Variants in DLG5 observed in about 807,000 individuals in gnomAD.
The protein encoded by DLG5 is discs large MAGUK scaffold protein 5.
DLG5 carries 48 observed loss-of-function variants against 189.8 expected under a neutral mutation model. The observed-to-expected ratio is 0.25, with a 90% CI of 0.20 to 0.32. DLG5 has a LOEUF of 0.32. DLG5 is among the 10% of genes least tolerant of loss of function. The probability of loss-of-function intolerance (pLI) is 1.00; values close to 1 mark genes in which losing one functional copy is unlikely to be tolerated. For synonymous variants in DLG5, 1,016 were observed against 1,054.1 expected (o/e 0.96, Z 0.70); for missense variants, 2,160 against 2,544.7 (o/e 0.85, Z 3.25).
chr10:77,827,011 T>C (rs1047425922), intron 13 of DLG5, among the ~76,000 whole-genome samples: 2 of 152,138 alleles, frequency 1.3e-5, no homozygotes, highest in African/African-American at 4.8e-5. Context: ...TATAATCCCA[T>C]CCAGGTTACC....
intron 5 of DLG5, among the ~76,000 whole-genome samples, chr10:77,852,495 A>G (rs1033346444): frequency 2.0e-5 from 3 of 152,016 alleles, no homozygotes; most frequent in Non-Finnish European, 4.4e-5. Flanking sequence ...GGCTCACCGC[A>G]TGCTCTGCCT....
chr10:77,796,553 A>G lies in DLG5; in HGVS notation c.5206T>C (p.Cys1736Arg), dbSNP rs375150972. Residue 1736 changes from cysteine to arginine, a missense_variant, in exon 28 of 32, where the codon TGC becomes CGC. Around this residue, in one of 5 missense-constraint regions of DLG5, gnomAD observed 574 missense variants for 644.2 expected, o/e 0.89. Transcript: ENST00000372391. The surrounding 1 kb of genome is among the most constrained non-coding windows in gnomAD (Gnocchi z 5.2). ...LAYQRVQKVDCTALRPVLILG... is the reference protein window; with the variant it reads ...LAYQRVQKVDRTALRPVLILG... ...ATCAGGACAGGCCTCAGAGCGGTGC[A>G]GTCCACCTTCTGGACCCGCTGATAG... 5.6e-6 allele frequency: 9 copies of G among 1,614,012 alleles called. No individual in the cohort carries two copies. Among genetic ancestry groups the G allele is most frequent in the Non-Finnish European group, 7.6e-6 (9 of 1,180,030 alleles).
chr10:77,856,838 T>C lies in DLG5; in HGVS notation c.428A>G (p.Asn143Ser). 6.2e-7 allele frequency: 1 copy of C among 1,613,076 alleles called. No individual in the cohort carries two copies. The highest frequency in any genetic ancestry group is 8.5e-7 in the Non-Finnish European group (1 of 1,179,992). The change falls in exon 3 of 32, where the codon AAT (asparagine) becomes AGT (serine). Residue 143 changes from asparagine to serine, a missense_variant. Physicochemically the swap from Asn to Ser is conservative, Grantham distance 46. This residue lies in a region of DLG5 where 664 missense variants were observed against 838.5 expected (regional missense o/e 0.79). Transcript: ENST00000372391. ...PPPLLTDQQV[N>S]EKVENLSIQL... ...AATGGAGAGGTTCTCCACCTTCTCA[T>C]TCACTTGCTGGTCAGTGAGGAGGGG... is the stretch of plus-strand genomic sequence containing the variant.
intron 2 of DLG5, among the ~76,000 whole-genome samples, chr10:77,862,217 C>T (rs542060780): frequency 3.3e-5 from 5 of 152,242 alleles, no homozygotes; most frequent in Admixed American, 1.3e-4. Context: ...CAAAGGAGCT[C>T]ACTACTTCCC....
intron 23 of DLG5, 46 bp from the exon 24 acceptor site, chr10:77,809,776 G>T (rs1355527511): frequency 1.3e-6 from 2 of 1,574,816 alleles, no homozygotes; most frequent in Admixed American, 3.6e-5. Context: ...CAAAGAGGAG[G>T]CACAAAAAGA....
At chr10:77,932,525 G>A in the DLG5 span, among the ~76,000 whole-genome samples, 3 of 152,162 alleles carry the variant, frequency 2.0e-5, no homozygotes, top group African/African-American at 4.8e-5. Flanking sequence ...GTGGCTGGGC[G>A]CCGTGGCTCA....
At chr10:77,855,968 A>G (rs780164740) in intron 3 of DLG5, among the ~76,000 whole-genome samples, 10 of 152,160 alleles carry the variant, frequency 6.6e-5, no homozygotes, top group Admixed American at 2.0e-4. Flanking sequence ...CTTCCCTGGT[A>G]TCTACCTCTA....
intron 27 of DLG5, among the ~76,000 whole-genome samples, chr10:77,803,446 TTAAATA>T (rs1420130825): frequency 6.6e-5 from 10 of 152,216 alleles, no homozygotes; most frequent in African/African-American, 2.4e-4. Flanking sequence ...TAAGGGATAT[TTAAATA>T]TAAAGTGACA....
At chr10:77,866,826 G>C in intron 2 of DLG5, 2 of 384,726 alleles carry the variant, frequency 5.2e-6, no homozygotes, top group South Asian at 3.9e-5. Context: ...GATTGGTTAA[G>C]GTGGTATGAG....
At chr10:77,817,661 C>T in intron 18 of DLG5, 116 bp downstream of exon 18, 1 of 844,188 alleles carries the variant, frequency 1.2e-6, no homozygotes, top group Non-Finnish European at 1.9e-6. Context: ...AGCTCAGTCC[C>T]AGGAGGTGAC....
At chr10:77,899,642 C>T (rs1261753924) in intron 1 of DLG5, among the ~76,000 whole-genome samples, 1 of 152,194 alleles carries the variant, frequency 6.6e-6, no homozygotes, top group Non-Finnish European at 1.5e-5. Flanking sequence ...TCCTCATACT[C>T]ATTCCACTTT....
chr10:77,867,202 C>CT lies in DLG5; in HGVS notation c.373+1926dup, dbSNP rs575720743. 3.0e-3 allele frequency: 1,225 copies of CT among 404,184 alleles called. 29 individuals carry two copies. Among genetic ancestry groups the CT allele is most frequent in the South Asian group, 0.022 (1,196 of 54,344 alleles). 25.0% of individuals were successfully genotyped at this position (404,184 alleles called of 1,614,324 possible). On this transcript the variant is annotated intron_variant, in intron 2 of 31. Coordinates refer to ENST00000372391, the MANE Select transcript of DLG5 (RefSeq NM_004747.4). ...CCCAAGAAATATCTTCCTACTCAGGCTGGGAATTCCACCATCAGCAGTAAT... is the reference window on the plus strand; with the variant it reads ...CCCAAGAAATATCTTCCTACTCAGGCTTGGGAATTCCACCATCAGCAGTAAT...
In DLG5 at chr10:77,818,159, G is replaced by C. The variant is rs112174938; in HGVS notation, c.3672-270C>G. ...CATAGGGTCAGGATTAGGCTCACTA[G>C]GAAGAAGTGATAAAAAACAGAGGTT... On this transcript the variant is annotated intron_variant, in intron 17 of 31. Coordinates refer to ENST00000372391, the MANE Select transcript of DLG5 (RefSeq NM_004747.4). 4.7e-3 allele frequency among the ~76,000 whole-genome samples: 711 copies of C among 152,260 alleles called. 9 individuals carry two copies. Among genetic ancestry groups the C allele is most frequent in the African/African-American group, 0.016 (651 of 41,550 alleles).
intron 9 of DLG5, among the ~76,000 whole-genome samples, chr10:77,832,929 T>C (rs532241292): frequency 1.3e-5 from 2 of 152,142 alleles, no homozygotes; most frequent in Non-Finnish European, 2.9e-5. Context: ...ATAGAATAAA[T>C]GGAGCTCTTT....
intron 6 of DLG5, among the ~76,000 whole-genome samples, chr10:77,842,934 GAAACTGCTAC>G (rs1843498031): frequency 6.6e-6 from 1 of 152,164 alleles, no homozygotes; most frequent in South Asian, 2.1e-4. Flanking sequence ...CTTTTCATGT[GAAACTGCTAC>G]ATGCCCCAGA....
rs371731932 is a variant in DLG5 at position 77,908,476 on chromosome 10, T to A, written c.304+17741A>T. On this transcript the variant is annotated intron_variant, in intron 1 of 31. Transcript: ENST00000372391. Reference sequence around the variant, plus strand: ...CACAAGAGAACCAGCCCAGAGAGAATGACTGGAAGGACAGCAGAGGCTGGT... The same window carrying A: ...CACAAGAGAACCAGCCCAGAGAGAAAGACTGGAAGGACAGCAGAGGCTGGT... Among the ~76,000 whole-genome samples the A allele has an allele frequency of 4.6e-5, 7 of 152,226 alleles. No individual in the cohort carries two copies. In the East Asian group the frequency reaches 5.8e-4, roughly 13 times the overall value.
At chr10:77,883,266 G>T (rs1189477698) in intron 1 of DLG5, among the ~76,000 whole-genome samples, 1 of 152,156 alleles carries the variant, frequency 6.6e-6, no homozygotes, top group African/African-American at 2.4e-5. Flanking sequence ...GGTAGGGAGA[G>T]GGCCCAAGAC....
chr10:77,821,093 G>A lies in DLG5; in HGVS notation c.3391C>T (p.Gln1131Ter). The A allele has an allele frequency of 6.2e-7, 1 of 1,611,568 alleles. No individual in the cohort carries two copies. The change falls in exon 15 of 32, where the codon CAG becomes TAG. Residue 1131 changes from glutamine to a stop codon, truncating the protein, a stop_gained. Transcript: ENST00000372391. LOFTEE classifies it high-confidence loss of function. Reference protein sequence around the residue: ...PKLAPVVIPAQFLEEQKCVPA... With the variant: ...PKLAPVVIPA ...GGGCTCAGCTATACCTCCAGGAACT[G>A]AGCAGGAATCACTACTGGAGCAAGC...
At chr10:77,814,461 TTATATA>T (rs59297524) in intron 20 of DLG5, among the ~76,000 whole-genome samples, 8,366 of 70,518 alleles carry the variant, frequency 0.12, 480 homozygotes, top group Non-Finnish European at 0.18. Flanking sequence ...TAAAGCATGT[TTATATA>T]TATATATATA....
Sources: gnomAD v4.1 joint callset for allele counts (sites outside exome capture counted in the v4.1 genomes callset) on GRCh38, gnomAD v4.1.1 for gene constraint, gnomAD v4.1.1 regional missense constraint, Gnocchi (gnomAD v3.1) non-coding constraint, MANE v1.5 for transcripts, NCBI Gene and HGNC (gene_info 2026-07-23, HGNC 2026-07-21) for gene names.